SLC24A3: variants seen among roughly 807,000 people sequenced by gnomAD.
SLC24A3 encodes sodium/potassium/calcium exchanger 3.
SLC24A3 carries 28 observed loss-of-function variants against 75.8 expected under a neutral mutation model. The ratio of observed to expected loss-of-function variants is 0.37; its 90% confidence interval spans 0.27 to 0.51. The LOEUF is 0.51. Among genes scored for constraint, SLC24A3 ranks in the 20% least tolerant of loss-of-function variants. The pLI is 0.94. For synonymous variants in SLC24A3, 372 were observed against 334.1 expected (o/e 1.11, Z -1.24); for missense variants, 663 against 847.8 (o/e 0.78, Z 2.71).
intron 2 of SLC24A3, among the ~76,000 whole-genome samples, chr20:19,447,707 A>T (rs1987411217): frequency 6.6e-6 from 1 of 152,158 alleles, no homozygotes; most frequent in Admixed American, 6.5e-5. Flanking sequence ...GGGTGCGATG[A>T]TGGTTGTTCC....
intron 3 of SLC24A3, among the ~76,000 whole-genome samples, chr20:19,570,212 G>C (rs2031031404): frequency 6.6e-6 from 1 of 152,258 alleles, no homozygotes; most frequent in Middle Eastern, 3.4e-3. Context: ...AGAGCAGGGG[G>C]AAGTGCTACA....
chr20:19,215,843 A>G (rs972030802), intron 1 of SLC24A3, among the ~76,000 whole-genome samples: 1 of 152,330 alleles, frequency 6.6e-6, no homozygotes, highest in Middle Eastern at 3.4e-3. Flanking sequence ...CCACATATTC[A>G]GTATTTGGTT....
intron 12 of SLC24A3, among the ~76,000 whole-genome samples, chr20:19,692,495 G>A (rs2032755699): frequency 6.6e-6 from 1 of 152,140 alleles, no homozygotes; most frequent in East Asian, 1.9e-4. Context: ...ACATTATGTT[G>A]AAAAGAAGAA....
intron 2 of SLC24A3, among the ~76,000 whole-genome samples, chr20:19,283,836 G>A (rs1436459206): frequency 2.0e-5 from 3 of 152,168 alleles, no homozygotes; most frequent in South Asian, 2.1e-4. Context: ...GAGTGTATTC[G>A]TGAATTTCCC....
chr20:19,589,738 C>T (rs1166307359), intron 6 of SLC24A3, among the ~76,000 whole-genome samples: 1 of 152,126 alleles, frequency 6.6e-6, no homozygotes, highest in Non-Finnish European at 1.5e-5. Context: ...CTCTAACGTT[C>T]AGGCACCACA....
intron 15 of SLC24A3, among the ~76,000 whole-genome samples, chr20:19,703,395 C>T (rs1002298602): frequency 5.3e-5 from 8 of 152,206 alleles, no homozygotes; most frequent in Non-Finnish European, 1.0e-4. Context: ...TTAATGTCTG[C>T]CACTCACACT....
chr20:19,503,095 C>T (rs1250592861), intron 2 of SLC24A3, among the ~76,000 whole-genome samples: 1 of 151,200 alleles, frequency 6.6e-6, no homozygotes, highest in Non-Finnish European at 1.5e-5. Context: ...TTTGATCTTG[C>T]TTGCTCCAAA....
At chr20:19,274,559 A>G (rs1983426342) in intron 1 of SLC24A3, among the ~76,000 whole-genome samples, 1 of 152,092 alleles carries the variant, frequency 6.6e-6, no homozygotes, top group Non-Finnish European at 1.5e-5. Flanking sequence ...CAACCTCTCC[A>G]CAATTGGTGC....
chr20:19,354,930 C>A (rs1985650070), intron 2 of SLC24A3, among the ~76,000 whole-genome samples: 1 of 152,110 alleles, frequency 6.6e-6, no homozygotes, highest in South Asian at 2.1e-4. Flanking sequence ...CTTTGGGCAG[C>A]AGCAAGGTAC....
chr20:19,491,312 C>A (rs542099934), intron 2 of SLC24A3, among the ~76,000 whole-genome samples: 79 of 152,346 alleles, frequency 5.2e-4, no homozygotes, highest in African/African-American at 1.8e-3. Flanking sequence ...TTGAATCCTC[C>A]TTCCTTGTTA....
rs1432172892 is a variant in SLC24A3, at chr20:19,584,973, C to T, written c.426C>T (p.Arg142=). 1 of 1,613,386 alleles carries T rather than the reference C, an allele frequency of 6.2e-7. No homozygotes were observed. The highest frequency in any genetic ancestry group is 1.7e-5 in the Admixed American group (1 of 59,982). Residue 142 remains arginine, a splice_region_variant and synonymous_variant, in exon 5 of 17, where the codon CGC becomes CGT. Coordinates refer to ENST00000328041, the MANE Select transcript of SLC24A3 (RefSeq NM_020689.4). The part of the protein sequence containing the change: ...FVPSLEKICE[R]LHLSEDVAGA... ...GCTTTGTCTTTGCTCCTCTGTAGCG[C>T]CTGCACCTCAGTGAAGATGTGGCTG...
intron 7 of SLC24A3, among the ~76,000 whole-genome samples, chr20:19,664,341 T>C (rs1202913170): frequency 6.6e-6 from 1 of 152,214 alleles, no homozygotes; most frequent in African/African-American, 2.4e-5. Context: ...TTTATTTCTT[T>C]AATTCTCTGC....
intron 1 of SLC24A3, among the ~76,000 whole-genome samples, chr20:19,258,910 C>T (rs1446319604): frequency 1.3e-5 from 2 of 152,084 alleles, no homozygotes; most frequent in Non-Finnish European, 2.9e-5. Flanking sequence ...TGCATTCAGG[C>T]CCTATCTCCT....
chr20:19,356,882 G>T (rs1985696750), intron 2 of SLC24A3, among the ~76,000 whole-genome samples: 1 of 130,434 alleles, frequency 7.7e-6, no homozygotes, highest in African/African-American at 4.0e-5. Context: ...AATAATTCCT[G>T]CAGTCTGATG....
chr20:19,429,580 A>G (rs1364488075), intron 2 of SLC24A3, among the ~76,000 whole-genome samples: 1 of 152,218 alleles, frequency 6.6e-6, no homozygotes, highest in Non-Finnish European at 1.5e-5. Flanking sequence ...GAAGACGATG[A>G]GAGTTAGACT....
intron 2 of SLC24A3, among the ~76,000 whole-genome samples, chr20:19,501,761 C>G (rs1393893074): frequency 6.6e-6 from 1 of 152,176 alleles, no homozygotes; most frequent in African/African-American, 2.4e-5. Flanking sequence ...TAATCTCCCA[C>G]TGTTCTGATT....
chr20:19,293,012 A>G (rs1435311718), intron 2 of SLC24A3, among the ~76,000 whole-genome samples: 1 of 152,150 alleles, frequency 6.6e-6, no homozygotes, highest in Non-Finnish European at 1.5e-5. Flanking sequence ...ACCTTGCCAA[A>G]GGTCCTACCC....
intron 2 of SLC24A3, among the ~76,000 whole-genome samples, chr20:19,505,743 T>C (rs77932946): frequency 0.018 from 2,765 of 152,316 alleles, 74 homozygotes; most frequent in African/African-American, 0.063. Context: ...ACAGTTTCTC[T>C]TGAGAGAAAG....
chr20:19,683,612 A>G (rs1267442357), intron 10 of SLC24A3, among the ~76,000 whole-genome samples: 1 of 152,198 alleles, frequency 6.6e-6, no homozygotes, highest in Non-Finnish European at 1.5e-5. Flanking sequence ...ACTAACGTCA[A>G]TTCAGTAGCA....
Sources: gnomAD v4.1 joint callset for allele counts (sites outside exome capture counted in the v4.1 genomes callset) on GRCh38, gnomAD v4.1.1 for gene constraint, MANE v1.5 for transcripts, NCBI Gene and HGNC (gene_info 2026-07-23, HGNC 2026-07-21) for gene names.